The following ITGB6 variants were observed in gnomAD, a reference collection of about 807,000 sequenced individuals.
ITGB6 encodes integrin beta-6.
A neutral mutation model predicts 84.5 loss-of-function variants in ITGB6; 80 were observed. The ratio of observed to expected loss-of-function variants is 0.95; its 90% confidence interval spans 0.79 to 1.14. The LOEUF is 1.14. ITGB6 is among the 50% of genes most tolerant of loss of function. The pLI is 0.00. For missense variants in ITGB6, 1,006 were observed against 968.0 expected (o/e 1.04, Z -0.52); for synonymous variants, 383 against 354.9 (o/e 1.08, Z -0.89).
intron 7 of ITGB6, among the ~76,000 whole-genome samples, chr2:160,165,108 T>G (rs1191141993): frequency 6.6e-6 from 1 of 152,230 alleles, no homozygotes; most frequent in East Asian, 1.9e-4. Flanking sequence ...TGTCTCATAA[T>G]CCAGAAGTGG....
At chr2:160,179,384 C>CTTTTTTTT (rs1685568515) in intron 4 of ITGB6, among the ~76,000 whole-genome samples, 1 of 142,596 alleles carries the variant, frequency 7.0e-6, no homozygotes, top group Non-Finnish European at 1.5e-5. Flanking sequence ...TTCTTTTTTT[C>CTTTTTTTT]TTTTTCTTTT....
intron 10 of ITGB6, among the ~76,000 whole-genome samples, chr2:160,128,075 AAG>A (rs1683306363): frequency 6.6e-6 from 1 of 152,228 alleles, no homozygotes; most frequent in Admixed American, 6.5e-5. Context: ...CTATGTGCCA[AAG>A]ATTGTATTAG....
At chr2:160,144,593 A>G (rs959741636) in intron 7 of ITGB6, among the ~76,000 whole-genome samples, 2 of 152,182 alleles carry the variant, frequency 1.3e-5, no homozygotes, top group African/African-American at 4.8e-5. Flanking sequence ...GTCTCTTAGG[A>G]AAAGGATTTC....
chr2:160,189,403 G>A (rs142559471), intron 4 of ITGB6, among the ~76,000 whole-genome samples: 23,499 of 151,840 alleles, frequency 0.15, 2,434 homozygotes, highest in Non-Finnish European at 0.24. Context: ...AACCACCATC[G>A]GAATGAACAG....
chr2:160,101,494 G>T lies in ITGB6; in HGVS notation c.*242C>A, dbSNP rs1696718316. ...TTTGATGATTTTTTGAAGCATTAAT[G>T]CAACAGAGTTAGTATTCCTCAAATG... On this transcript the variant is annotated 3_prime_UTR_variant, in exon 15 of 15. Coordinates refer to ENST00000283249, the MANE Select transcript of ITGB6 (RefSeq NM_000888.5). 2.4e-6 allele frequency: 1 copy of T among 410,666 alleles called. No homozygotes were observed. Among genetic ancestry groups the T allele is most frequent in the African/African-American group, 2.1e-5 (1 of 47,490 alleles). The allele number at this position is 410,666 out of a possible 1,614,324, so 25.4% of individuals were successfully genotyped here.
intron 11 of ITGB6, among the ~76,000 whole-genome samples, chr2:160,124,857 A>G (rs1227134608): frequency 6.6e-6 from 1 of 152,218 alleles, no homozygotes. Flanking sequence ...AGGGCAACCT[A>G]TCAGGCAGTG....
chr2:160,177,475 T>G (rs1047645581), intron 4 of ITGB6, among the ~76,000 whole-genome samples: 1 of 151,248 alleles, frequency 6.6e-6, no homozygotes, highest in African/African-American at 2.4e-5. Flanking sequence ...GGAGGCTGAG[T>G]CAGGAGAATG....
chr2:160,152,161 C>T (rs1684449196), intron 7 of ITGB6, among the ~76,000 whole-genome samples: 1 of 152,134 alleles, frequency 6.6e-6, no homozygotes, highest in Non-Finnish European at 1.5e-5. Context: ...GAATTTTAGA[C>T]CAATATCTCT....
At chr2:160,106,519 T>C (rs1289476017) in intron 14 of ITGB6, among the ~76,000 whole-genome samples, 2 of 152,232 alleles carry the variant, frequency 1.3e-5, no homozygotes, top group African/African-American at 4.8e-5. Context: ...GATTACGGTG[T>C]GAGCCACCAT....
chr2:160,172,254 T>C (rs1217652724), intron 6 of ITGB6, among the ~76,000 whole-genome samples: 1 of 152,210 alleles, frequency 6.6e-6, no homozygotes, highest in Non-Finnish European at 1.5e-5. Flanking sequence ...GTCCCTCCTT[T>C]CTGAGGCTGT....
At chr2:160,165,977 A>G (rs1208246756) in intron 7 of ITGB6, among the ~76,000 whole-genome samples, 1 of 152,254 alleles carries the variant, frequency 6.6e-6, no homozygotes, top group African/African-American at 2.4e-5. Context: ...TTTAGAAAAG[A>G]TGAAGTGCAG....
chr2:160,172,689 G>A lies in ITGB6; in HGVS notation c.801C>T (p.Val267=), dbSNP rs1266029488. The A allele has an allele frequency of 2.8e-5, 45 of 1,606,886 alleles. No homozygotes were observed. The highest frequency in any genetic ancestry group is 3.7e-5 in the Non-Finnish European group (43 of 1,173,942). ...GWRNDSLHLL[V]FVSDADSHFG... ...AATGAGAATCAGCATCACTCACAAA[G>A]ACCAGGAGGTGGAGGGAGTCATTCC... The change falls in exon 6 of 15, where the codon GTC becomes GTT. Residue 267 remains valine, a synonymous_variant. Transcript: ENST00000283249.
intron 7 of ITGB6, among the ~76,000 whole-genome samples, chr2:160,157,779 G>A (rs1339222676): frequency 2.0e-5 from 3 of 151,098 alleles, no homozygotes; most frequent in Non-Finnish European, 4.4e-5. Context: ...AATCCTAGGG[G>A]AATGTATTGT....
chr2:160,167,851 G>T (rs1004056278), intron 7 of ITGB6, among the ~76,000 whole-genome samples: 2 of 152,136 alleles, frequency 1.3e-5, no homozygotes, highest in Non-Finnish European at 2.9e-5. Context: ...TTGAAGAAAA[G>T]TTCTGTGCAA....
chr2:160,110,021 A>T (rs986733546), intron 13 of ITGB6, among the ~76,000 whole-genome samples: 4 of 152,240 alleles, frequency 2.6e-5, no homozygotes, highest in Admixed American at 2.6e-4. Flanking sequence ...TTTTAATGTA[A>T]TTACTAGAAA....
At position 160,137,687 on chromosome 2, in the gene ITGB6, G is replaced by T. The variant is rs376134860; in HGVS notation, c.1407C>A (p.His469Gln). The change falls in exon 10 of 15, where the codon CAC (histidine) becomes CAA (glutamine). Residue 469 changes from histidine to glutamine, a missense_variant. By Grantham distance (24) the His-to-Gln change is conservative (BLOSUM62 0). Transcript: ENST00000283249. ...EVEVNSSKCH[H>Q]GNGSFQCGVC... is the part of the protein sequence containing the mutation. The stretch of plus-strand genomic sequence containing the variant: ...CCCCACACTGGAAAGAGCCGTTCCC[G>T]TGGTGACATTTGGAGCTGTTCACTT... 1 of 1,614,042 alleles carries T rather than the reference G, an allele frequency of 6.2e-7. No individual in the cohort carries two copies. The highest frequency in any genetic ancestry group is 1.3e-5 in the African/African-American group (1 of 74,910).
At chr2:160,176,899 T>G (rs993533944) in intron 4 of ITGB6, among the ~76,000 whole-genome samples, 3 of 152,238 alleles carry the variant, frequency 2.0e-5, no homozygotes, top group Admixed American at 2.0e-4. Flanking sequence ...GAGCATTTAT[T>G]TTGAACATTT....
intron 7 of ITGB6, among the ~76,000 whole-genome samples, chr2:160,143,894 C>G (rs903671289): frequency 6.6e-6 from 1 of 152,034 alleles, no homozygotes; most frequent in African/African-American, 2.4e-5. Flanking sequence ...GAAGTGGGTC[C>G]CTGGGTGAGT....
intron 7 of ITGB6, among the ~76,000 whole-genome samples, chr2:160,167,901 A>ATTT (rs1239309546): frequency 6.6e-6 from 1 of 152,114 alleles, no homozygotes; most frequent in Non-Finnish European, 1.5e-5. Flanking sequence ...TGCTGTGGAG[A>ATTT]AGGTGTTGTG....
Sources: allele counts gnomAD v4.1 joint callset (sites outside exome capture counted in the v4.1 genomes callset), GRCh38; gene constraint gnomAD v4.1.1; transcripts MANE v1.5; gene names NCBI Gene and HGNC (gene_info 2026-07-23, HGNC 2026-07-21).